Variants in PIGB observed in about 807,000 individuals in gnomAD.
PIGB encodes the protein GPI alpha-1,2-mannosyltransferase 3.
A neutral mutation model predicts 68.4 loss-of-function variants in PIGB; 58 were observed. The observed-to-expected ratio is 0.85, with a 90% CI of 0.69 to 1.06. The LOEUF is 1.06. Ranked by LOEUF, PIGB falls within the 50% of genes least tolerant of loss-of-function variation. The pLI is 0.00. For missense variants in PIGB, 634 were observed against 655.8 expected (o/e 0.97, Z 0.36); for synonymous variants, 219 against 220.5 (o/e 0.99, Z 0.06).
At chr15:55,336,248 G>A (rs1274464271) in intron 6 of PIGB, among the ~76,000 whole-genome samples, 1 of 152,116 alleles carries the variant, frequency 6.6e-6, no homozygotes, top group African/African-American at 2.4e-5. Flanking sequence ...CCAAGTATAG[G>A]TGGCACTAGG....
chr15:55,331,217 C>A (rs756240964), intron 5 of PIGB, among the ~76,000 whole-genome samples: 7 of 152,148 alleles, frequency 4.6e-5, no homozygotes, highest in Non-Finnish European at 7.4e-5. Context: ...ATCTCATTGT[C>A]TCTATCTGGA....
chr15:55,323,465 ATT>A (rs2055211327), intron 3 of PIGB, among the ~76,000 whole-genome samples: 1 of 152,160 alleles, frequency 6.6e-6, no homozygotes, highest in African/African-American at 2.4e-5. Context: ...TCTACAAAAA[ATT>A]TTTAAAAAGG....
At chr15:55,325,804 T>G (rs914749815) in intron 3 of PIGB, among the ~76,000 whole-genome samples, 5 of 152,046 alleles carry the variant, frequency 3.3e-5, no homozygotes, top group Non-Finnish European at 7.4e-5. Context: ...TAGTCCCAGC[T>G]ACTCACAAGG....
intron 4 of PIGB, among the ~76,000 whole-genome samples, chr15:55,328,742 C>A (rs1218956517): frequency 6.6e-6 from 1 of 152,062 alleles, no homozygotes; most frequent in Non-Finnish European, 1.5e-5. Context: ...CTGAGGTGGG[C>A]GGATCACAAG....
chr15:55,325,566 T>A (rs2055262882), intron 3 of PIGB, among the ~76,000 whole-genome samples: 2 of 152,186 alleles, frequency 1.3e-5, no homozygotes, highest in Admixed American at 1.3e-4. Flanking sequence ...AATTTACTCT[T>A]TAATGTCATC....
At chr15:55,337,987 G>C (rs748351368) in intron 6 of PIGB, among the ~76,000 whole-genome samples, 24 of 152,142 alleles carry the variant, frequency 1.6e-4, no homozygotes, top group Non-Finnish European at 2.8e-4. Flanking sequence ...CAGAAATTAG[G>C]ATAGTGGTTA....
At chr15:55,350,424 G>T in intron 9 of PIGB, 1 of 408,858 alleles carries the variant, frequency 2.4e-6, no homozygotes. Flanking sequence ...AAAGTAAAAC[G>T]ACTTGTGCTA....
At chr15:55,321,646 CTTTT>C (rs966940527) in intron 3 of PIGB, among the ~76,000 whole-genome samples, 5 of 68,348 alleles carry the variant, frequency 7.3e-5, no homozygotes, top group South Asian at 6.1e-4. Context: ...ATACTTCTTT[CTTTT>C]TTTTTTTTTT....
intron 3 of PIGB, 123 bp downstream of exon 3, chr15:55,321,513 G>C: frequency 1.5e-6 from 1 of 665,888 alleles, no homozygotes; most frequent in Non-Finnish European, 2.4e-6. Context: ...ACTGTGATGT[G>C]TAACTCTTTA....
At position 55,350,889 on chromosome 15, in the gene PIGB, T is replaced by C. The variant is rs1007940513; in HGVS notation, c.1314T>C (p.Pro438=). 7 of 1,591,224 alleles carry C rather than the reference T, an allele frequency of 4.4e-6. No individual in the cohort carries two copies. The African/African-American group carries it at 6.7e-5, about 15-fold the overall frequency. Residue 438 remains proline, a synonymous_variant, in exon 10 of 12, where the codon CCT becomes CCC. Transcript: ENST00000164305. ...KSSASIFIMM[P]CHSTPYYSHV... is the part of the protein sequence containing the mutation. ...CAGCTTCAATATTTATAATGATGCC[T>C]TGCCACTCTACTCCTTATTACAGGT... is the stretch of plus-strand genomic sequence containing the variant.
intron 1 of PIGB, 22 bp downstream of exon 1, chr15:55,319,435 G>A (rs1279478494): frequency 6.5e-7 from 1 of 1,546,280 alleles, no homozygotes; most frequent in Non-Finnish European, 8.7e-7. Flanking sequence ...GACACTGTCT[G>A]GAGAGCTCCT....
chr15:55,323,599 G>A (rs958079528), intron 3 of PIGB, among the ~76,000 whole-genome samples: 1 of 151,332 alleles, frequency 6.6e-6, no homozygotes, highest in African/African-American at 2.4e-5. Flanking sequence ...CATACTGAAT[G>A]TCAAAGGCCT....
intron 9 of PIGB, among the ~76,000 whole-genome samples, chr15:55,342,806 T>A (rs572106973): frequency 6.6e-5 from 10 of 152,362 alleles, no homozygotes; most frequent in Admixed American, 6.5e-4. Flanking sequence ...CTTACATGAC[T>A]CAATTCAGGA....
chr15:55,351,199 C>G (rs945505692), intron 10 of PIGB, among the ~76,000 whole-genome samples: 1 of 151,488 alleles, frequency 6.6e-6, no homozygotes, highest in African/African-American at 2.4e-5. Flanking sequence ...GCTCCGCCTC[C>G]CAGGTTCACG....
intron 7 of PIGB, 98 bp from the exon 8 acceptor site, chr15:55,340,514 A>T (rs28495958): frequency 2.7e-6 from 2 of 729,416 alleles, no homozygotes; most frequent in Non-Finnish European, 4.4e-6. Context: ...TTAGACTTCA[A>T]TTCTGATTTA....
Position 55,321,380 on chromosome 15 carries a change from TTCAG to T in PIGB, c.409_412del (p.Gln137CysfsTer2). ...CTTCATCTTTTAGGGAAAGATAGTG[TTCAG>T]TTGCTGGTAAGTTTAAATAAAAGTA... is the stretch of plus-strand genomic sequence containing the variant. On this transcript the variant is annotated frameshift_variant, in exon 3 of 12. Coordinates refer to ENST00000164305, the MANE Select transcript of PIGB (RefSeq NM_004855.5). LOFTEE classifies it high-confidence loss of function. 6.3e-7 allele frequency: 1 copy of T among 1,595,838 alleles called. No individual in the cohort carries two copies. Among genetic ancestry groups the T allele is most frequent in the Non-Finnish European group, 8.5e-7 (1 of 1,171,516 alleles).
intron 10 of PIGB, chr15:55,351,532 A>G (rs1422274515): frequency 1.3e-5 from 2 of 152,198 alleles, no homozygotes; most frequent in South Asian, 2.1e-4. Flanking sequence ...TTACCTTACT[A>G]CAAATCTCTG....
chr15:55,350,638 T>C, intron 9 of PIGB, 61 bp from the exon 10 acceptor site: 2 of 992,162 alleles, frequency 2.0e-6, no homozygotes, highest in African/African-American at 1.6e-5. Context: ...ACAGATGTAT[T>C]TGCAGTTAAC....
intron 4 of PIGB, 120 bp from the exon 5 acceptor site, chr15:55,329,604 A>T: frequency 1.3e-6 from 1 of 796,404 alleles, no homozygotes; most frequent in Non-Finnish European, 1.9e-6. Flanking sequence ...TTACTTTAAC[A>T]TCATCTACCT....
Sources: allele counts gnomAD v4.1 joint callset (sites outside exome capture counted in the v4.1 genomes callset), GRCh38; gene constraint gnomAD v4.1.1; transcripts MANE v1.5; gene names NCBI Gene and HGNC (gene_info 2026-07-23, HGNC 2026-07-21).